Variants in RBFOX2 observed in about 807,000 individuals in gnomAD.
RBFOX2 encodes RNA binding fox-1 homolog 2, also known as RNA binding protein fox-1 homolog 2.
RBFOX2 carries 10 observed loss-of-function variants against 49.1 expected under a neutral mutation model. The ratio of observed to expected loss-of-function variants is 0.20; its 90% CI spans 0.13 to 0.35. RBFOX2 has a LOEUF of 0.35. RBFOX2 is among the 10% of genes least tolerant of loss of function. RBFOX2 has a pLI of 1.00. For missense variants in RBFOX2, 323 were observed against 486.9 expected, an observed-to-expected ratio of 0.66 and a Z score of 3.17; for synonymous variants, 183 against 187.4, an observed-to-expected ratio of 0.98 and a Z score of 0.19.
upstream of RBFOX2, chr22:35,961,834 A>G (rs2056238493): frequency 1.6e-6 from 1 of 635,794 alleles, no homozygotes; most frequent in Non-Finnish European, 2.0e-6. Context: ...TGACTAAGAA[A>G]ACACAGAGAA....
At chr22:35,831,576 T>C (rs1195305691) in intron 1 of RBFOX2, among the ~76,000 whole-genome samples, 1 of 152,260 alleles carries the variant, frequency 6.6e-6, no homozygotes, top group Non-Finnish European at 1.5e-5. Context: ...TTACTTATCA[T>C]CTATAGCTTC....
At chr22:35,958,595 T>C (rs942444745) in intron 1 of RBFOX2, among the ~76,000 whole-genome samples, 11 of 152,144 alleles carry the variant, frequency 7.2e-5, no homozygotes, top group African/African-American at 2.7e-4. Context: ...GTCCCTGAAC[T>C]TCCTTTTATT....
chr22:35,869,621 G>GT (rs2044125810), intron 1 of RBFOX2, among the ~76,000 whole-genome samples: 1 of 151,036 alleles, frequency 6.6e-6, no homozygotes, highest in African/African-American at 2.4e-5. Context: ...TTTTGATGTT[G>GT]TTTTTTCTTT....
At chr22:35,876,332 T>C (rs906209035) in intron 1 of RBFOX2, among the ~76,000 whole-genome samples, 5 of 152,084 alleles carry the variant, frequency 3.3e-5, no homozygotes, top group African/African-American at 1.2e-4. Context: ...ATCAAGGTAT[T>C]CTCCTGCCTC....
chr22:35,941,863 T>G (rs1413450566), upstream of RBFOX2, among the ~76,000 whole-genome samples: 1 of 152,234 alleles, frequency 6.6e-6, no homozygotes. Context: ...CTTAGCACTC[T>G]TCTTTATTTC....
At chr22:35,976,344 CT>C (rs777987843) in intron 1 of RBFOX2, among the ~76,000 whole-genome samples, 37 of 151,860 alleles carry the variant, frequency 2.4e-4, no homozygotes, top group East Asian at 1.9e-3. Context: ...CCACCCCCCC[CT>C]CTTAATTCTT....
intron 1 of RBFOX2, among the ~76,000 whole-genome samples, chr22:35,977,725 T>TAGATATATATAG (rs200982540): frequency 1.3e-4 from 1 of 7,612 alleles, no homozygotes; most frequent in African/African-American, 2.7e-4. Flanking sequence ...GAATGAACTA[T>TAGATATATATAG]ATATATATAT....
At chr22:35,824,912 C>T (rs1264738796) in intron 1 of RBFOX2, among the ~76,000 whole-genome samples, 1 of 152,144 alleles carries the variant, frequency 6.6e-6, no homozygotes, top group Non-Finnish European at 1.5e-5. Context: ...CTACACTATC[C>T]AGCTTCATTC....
intron 1 of RBFOX2, among the ~76,000 whole-genome samples, chr22:35,892,839 T>C (rs1055155604): frequency 2.0e-5 from 3 of 152,230 alleles, no homozygotes; most frequent in African/African-American, 4.8e-5. Context: ...AGTCTCAGAA[T>C]AGTTATATGA....
intron 4 of RBFOX2, among the ~76,000 whole-genome samples, chr22:35,775,190 G>A (rs1244152766): frequency 6.6e-6 from 1 of 152,162 alleles, no homozygotes; most frequent in African/African-American, 2.4e-5. Context: ...GCATCCATGG[G>A]TTTGATTCCA....
chr22:35,886,313 T>C (rs2046575450), intron 1 of RBFOX2, among the ~76,000 whole-genome samples: 1 of 152,092 alleles, frequency 6.6e-6, no homozygotes, highest in African/African-American at 2.4e-5. Context: ...TAGTGAAAGA[T>C]GCTAAAAAAA....
rs551999555 is a variant in RBFOX2, at chr22:35,918,884, T to C, written c.-34+19963A>G. ...AGCCTGATAGCCTTGGTTTTCATAG[T>C]AGTCACCTATTCCTCCCATTTTAAA... On this transcript the variant is annotated intron_variant, in intron 1 of 13. Coordinates refer to the RBFOX2 transcript ENST00000359369. 5.3e-5 allele frequency among the ~76,000 whole-genome samples: 8 copies of C among 152,324 alleles called. No homozygotes were observed. The South Asian group carries it at 6.2e-4, about 12-fold the overall frequency.
intron 1 of RBFOX2, among the ~76,000 whole-genome samples, chr22:35,875,781 CT>C (rs2045000906): frequency 6.6e-6 from 1 of 151,974 alleles, no homozygotes; most frequent in African/African-American, 2.4e-5. Flanking sequence ...CCTTATCCCC[CT>C]AGGAGTTTAG....
intron 3 of RBFOX2, among the ~76,000 whole-genome samples, chr22:35,780,076 T>C (rs1944795450): frequency 1.3e-5 from 2 of 152,222 alleles, no homozygotes; most frequent in Non-Finnish European, 2.9e-5. Context: ...AAGTCCTTTA[T>C]GCTGCCCTTT....
rs187716441 is a variant in RBFOX2, at chr22:35,829,856, C to T, written c.27+10336G>A. Among the ~76,000 whole-genome samples the T allele has an allele frequency of 2.9e-4, 44 of 152,226 alleles. 1 individual carries two copies. The highest frequency in any genetic ancestry group is 2.5e-3 in the Admixed American group (38 of 15,284). On this transcript the variant is annotated intron_variant, in intron 1 of 11. Transcript: ENST00000405409. ...CCTTTCCCCAGTTGCGGGAGTCATG[C>T]CCTTCGTCCTTCCTGCCTGACTCCC...
chr22:35,990,012 A>G (rs1417085139), intron 1 of RBFOX2, among the ~76,000 whole-genome samples: 1 of 151,826 alleles, frequency 6.6e-6, no homozygotes, highest in Non-Finnish European at 1.5e-5. Context: ...TGAAACCCCA[A>G]CTCTACTAAA....
chr22:35,790,705 G>A (rs1231776252), intron 2 of RBFOX2, among the ~76,000 whole-genome samples: 1 of 152,282 alleles, frequency 6.6e-6, no homozygotes, highest in South Asian at 2.1e-4. Flanking sequence ...CAAATTTACT[G>A]TGAATCTAAA....
intron 2 of RBFOX2, among the ~76,000 whole-genome samples, chr22:35,803,493 T>C (rs780283492): frequency 1.3e-5 from 2 of 152,002 alleles, no homozygotes; most frequent in African/African-American, 2.4e-5. Context: ...CTGGGTAACA[T>C]AGCGAGACCC....
intron 1 of RBFOX2, among the ~76,000 whole-genome samples, chr22:35,927,851 A>G (rs977782699): frequency 6.6e-6 from 1 of 152,136 alleles, no homozygotes; most frequent in African/African-American, 2.4e-5. Context: ...TTTTTCTTGG[A>G]GATGTCCAAC....
Sources: gnomAD v4.1 joint callset for allele counts (sites outside exome capture counted in the v4.1 genomes callset) on GRCh38, gnomAD v4.1.1 for gene constraint, MANE v1.5 for transcripts, NCBI Gene and HGNC (gene_info 2026-07-23, HGNC 2026-07-21) for gene names.